ZNG1A: variants seen among roughly 807,000 people sequenced by gnomAD.
ZNG1A encodes zinc-regulated GTPase metalloprotein activator 1A.
chr9:141,731 A>T, the ZNG1A span, among the ~76,000 whole-genome samples: 1 of 151,798 alleles, frequency 6.6e-6, no homozygotes, highest in East Asian at 2.0e-4. Context: ...GCTCCAATTA[A>T]AAGACACAGA....
At chr9:162,749 C>G in the ZNG1A span, among the ~76,000 whole-genome samples, 1 of 150,578 alleles carries the variant, frequency 6.6e-6, no homozygotes, top group Admixed American at 6.6e-5. Context: ...AATAAGATTT[C>G]CTTGGCACTG....
At chr9:170,378 C>CGCGTGT in the ZNG1A span, among the ~76,000 whole-genome samples, 3 of 134,830 alleles carry the variant, frequency 2.2e-5, no homozygotes, top group Non-Finnish European at 4.7e-5. Context: ...TGTGTGTGTG[C>CGCGTGT]GCATGTGCAT....
chr9:170,277 T>A, the ZNG1A span, among the ~76,000 whole-genome samples: 1 of 151,418 alleles, frequency 6.6e-6, no homozygotes, highest in African/African-American at 2.4e-5. Context: ...AGGCTGCCAT[T>A]CAACATACTA....
At chr9:161,213 A>C in the ZNG1A span, among the ~76,000 whole-genome samples, 1 of 152,144 alleles carries the variant, frequency 6.6e-6, no homozygotes, top group Non-Finnish European at 1.5e-5. Flanking sequence ...TCATGCCTGT[A>C]ATCCCAGCAC....
the ZNG1A span, among the ~76,000 whole-genome samples, chr9:131,485 T>C: frequency 6.7e-6 from 1 of 149,162 alleles, no homozygotes; most frequent in African/African-American, 2.6e-5. Context: ...TCAAAATCTG[T>C]ACCTTCACAC....
At chr9:156,507 A>C in the ZNG1A span, 1 of 1,595,816 alleles carries the variant, frequency 6.3e-7, no homozygotes, top group South Asian at 1.1e-5. Flanking sequence ...TAAGGCCATC[A>C]GGTTTCTCTT....
chr9:140,093 C>T, the ZNG1A span, among the ~76,000 whole-genome samples: 2 of 150,798 alleles, frequency 1.3e-5, no homozygotes, highest in African/African-American at 4.9e-5. Flanking sequence ...GGGAGGGGCG[C>T]TGGCCATTGC....
the ZNG1A span, among the ~76,000 whole-genome samples, chr9:169,718 C>G: frequency 1.3e-5 from 2 of 150,096 alleles, no homozygotes; most frequent in East Asian, 1.9e-4. Context: ...CCTCTACCAG[C>G]AAAAAGACTA....
the ZNG1A span, chr9:156,655 T>A: frequency 9.4e-7 from 1 of 1,061,730 alleles, no homozygotes; most frequent in Non-Finnish European, 1.3e-6. Flanking sequence ...TCTTACTGAA[T>A]ACATAAATCC....
chr9:160,860 G>A, the ZNG1A span, among the ~76,000 whole-genome samples: 3 of 150,256 alleles, frequency 2.0e-5, no homozygotes, highest in Middle Eastern at 6.4e-3. Context: ...TGAATAATTT[G>A]GGGCTTTTTT....
the ZNG1A span, among the ~76,000 whole-genome samples, chr9:156,824 A>T: frequency 8.6e-5 from 13 of 152,006 alleles, no homozygotes; most frequent in Admixed American, 6.6e-4. Context: ...GATTCACATA[A>T]TGTCATAAAA....
chr9:167,036 A>C, the ZNG1A span: 1 of 151,994 alleles, frequency 6.6e-6, no homozygotes, highest in African/African-American at 2.4e-5. Flanking sequence ...TGACACTTAG[A>C]TATACCTTGT....
the ZNG1A span, chr9:167,203 GA>G: frequency 6.6e-6 from 1 of 151,510 alleles, no homozygotes; most frequent in Non-Finnish European, 1.5e-5. Context: ...AAGTTCTAAT[GA>G]AAGTGTTCCC....
chr9:178,990 T>C, the ZNG1A span: 3 of 1,078,126 alleles, frequency 2.8e-6, 1 homozygote, highest in Non-Finnish European at 4.0e-6. Context: ...AGCACGTCCC[T>C]ACCTCAGCTG....
the ZNG1A span, among the ~76,000 whole-genome samples, chr9:142,056 C>A: frequency 2.4e-4 from 35 of 143,582 alleles, no homozygotes; most frequent in African/African-American, 9.2e-4. Flanking sequence ...TCCTGAGTGA[C>A]CTACAAAGAG....
chr9:147,566 A>G, the ZNG1A span: 1 of 138,942 alleles, frequency 7.2e-6, no homozygotes, highest in Non-Finnish European at 1.5e-5. Context: ...AGTAGACTAT[A>G]ACAGCAACTC....
chr9:143,656 C>A, the ZNG1A span, among the ~76,000 whole-genome samples: 23,629 of 93,100 alleles, frequency 0.25, 4,431 homozygotes, highest in African/African-American at 0.35. Flanking sequence ...GCCCTCTCTC[C>A]CCACTCCTAT....
chr9:124,274 GA>G, the ZNG1A span, among the ~76,000 whole-genome samples: 188 of 150,676 alleles, frequency 1.2e-3, 1 homozygote, highest in East Asian at 0.035. Context: ...ACTCAGAGAT[GA>G]AAATACACAA....
At chr9:169,640 G>A in the ZNG1A span, among the ~76,000 whole-genome samples, 8 of 148,274 alleles carry the variant, frequency 5.4e-5, no homozygotes, top group Non-Finnish European at 7.4e-5. Flanking sequence ...ATGAAATTGC[G>A]ATAGCCACCC....
Sources: allele counts gnomAD v4.1 joint callset (sites outside exome capture counted in the v4.1 genomes callset), GRCh38; gene constraint gnomAD v4.1.1; transcripts MANE v1.5; gene names NCBI Gene and HGNC (gene_info 2026-07-23, HGNC 2026-07-21).